BCAS3: variants seen among roughly 807,000 people sequenced by gnomAD.
BCAS3 encodes the protein BCAS4/BCAS3 fusion.
In BCAS3, 53 loss-of-function variants were observed where a neutral mutation model predicts 116.1. That is an observed-to-expected ratio of 0.46 (90% CI 0.37 to 0.57). The LOEUF is 0.57. BCAS3 is among the 20% of genes least tolerant of loss of function. The probability of loss-of-function intolerance (pLI) is 0.00; values close to 1 mark genes in which losing one functional copy is unlikely to be tolerated. For synonymous variants in BCAS3, 391 were observed against 408.2 expected (o/e 0.96, Z 0.51); for missense variants, 917 against 1,165.4 (o/e 0.79, Z 3.10).
At chr17:60,800,363 T>C (rs560105686) in intron 6 of BCAS3, among the ~76,000 whole-genome samples, 1 of 152,328 alleles carries the variant, frequency 6.6e-6, no homozygotes, top group African/African-American at 2.4e-5. Flanking sequence ...CCTAATGACT[T>C]TTCCTGTGCT....
chr17:61,126,636 T>A lies in BCAS3; in HGVS notation c.2425+42072T>A, dbSNP rs1041374594. Among the ~76,000 whole-genome samples the A allele has an allele frequency of 1.3e-5, 2 of 152,222 alleles. No individual in the cohort carries two copies. The highest frequency in any genetic ancestry group is 2.9e-5 in the Non-Finnish European group (2 of 68,034). On this transcript the variant is annotated intron_variant, in intron 22 of 23. Transcript: ENST00000407086. This position sits in a 1 kb window ranked among gnomAD's most constrained non-coding sequence, Gnocchi z 4.6. ...GACCAGGAAAAATCAGGATACAATT[T>A]GGCACTTATGGAGACGAAATGATTT...
chr17:60,739,399 C>T (rs1277783513), intron 5 of BCAS3, among the ~76,000 whole-genome samples: 3 of 152,106 alleles, frequency 2.0e-5, no homozygotes, highest in Admixed American at 2.0e-4. Flanking sequence ...GCAGGTGGAT[C>T]ACCTGAGGTC....
chr17:60,926,795 A>G (rs892394591), intron 13 of BCAS3, among the ~76,000 whole-genome samples: 1 of 152,188 alleles, frequency 6.6e-6, no homozygotes, highest in African/African-American at 2.4e-5. Context: ...AGAACATATT[A>G]TATAATATAA....
rs1177146116 is a variant in BCAS3 at position 61,063,950 on chromosome 17, A to G, written c.2030-10970A>G. On this transcript the variant is annotated intron_variant, in intron 19 of 23. Transcript: ENST00000407086. The surrounding 1 kb of genome is among the most constrained non-coding windows in gnomAD (Gnocchi z 5.3). ...ATTTCTCTGGGGCATTGTCTCCATA[A>G]ACTTTTGGTAAAGCATCAATAATTT... 6.6e-6 allele frequency among the ~76,000 whole-genome samples: 1 copy of G among 152,188 alleles called. No individual in the cohort carries two copies.
At chr17:60,857,714 G>A (rs1043788513) in intron 7 of BCAS3, among the ~76,000 whole-genome samples, 5 of 152,130 alleles carry the variant, frequency 3.3e-5, no homozygotes, top group African/African-American at 1.2e-4. Flanking sequence ...AGAATATGTC[G>A]GGCGTGCACC....
At chr17:60,932,340 A>G (rs1368445088) in intron 13 of BCAS3, among the ~76,000 whole-genome samples, 1 of 152,218 alleles carries the variant, frequency 6.6e-6, no homozygotes, top group Non-Finnish European at 1.5e-5. Context: ...GGATTGCTTC[A>G]TAATTGTAAT....
At chr17:60,888,540 A>G (rs1287098516) in intron 9 of BCAS3, among the ~76,000 whole-genome samples, 2 of 152,212 alleles carry the variant, frequency 1.3e-5, no homozygotes, top group African/African-American at 4.8e-5. Context: ...AATCTATTCA[A>G]TGGTCTAATC....
chr17:61,333,773 A>G lies in BCAS3; in HGVS notation c.2426-34554A>G, dbSNP rs2056487715. ...GTAGCTGGGATTACAGGGGCACACT[A>G]CCACACCCAGCTCATTTTTATATTT... On this transcript the variant is annotated intron_variant, in intron 22 of 23. Transcript: ENST00000407086. The surrounding 1 kb of genome is among the most constrained non-coding windows in gnomAD (Gnocchi z 4.8). Among the ~76,000 whole-genome samples the G allele has an allele frequency of 6.6e-6, 1 of 151,630 alleles. No homozygotes were observed. The highest frequency in any genetic ancestry group is 1.5e-5 in the Non-Finnish European group (1 of 67,912).
intron 22 of BCAS3, among the ~76,000 whole-genome samples, chr17:61,207,499 C>T (rs887136521): frequency 6.6e-6 from 1 of 151,924 alleles, no homozygotes; most frequent in African/African-American, 2.4e-5. Context: ...GATGCCCTGG[C>T]TCCTGAAGCT....
chr17:61,368,126 G>A lies in BCAS3; in HGVS notation c.2426-201G>A, dbSNP rs141365848. On this transcript the variant is annotated intron_variant, in intron 22 of 23. Transcript: ENST00000407086. The surrounding 1 kb of genome is among the most constrained non-coding windows in gnomAD (Gnocchi z 6.0). ...TAAAACCACCAGCCTCAGTGTCACGGAAGTCACTCCAGAGGTCTGCACTCT... is the reference window on the plus strand; with the variant it reads ...TAAAACCACCAGCCTCAGTGTCACGAAAGTCACTCCAGAGGTCTGCACTCT... 9.5e-5 allele frequency: 42 copies of A among 442,996 alleles called. No homozygotes were observed. The highest frequency in any genetic ancestry group is 7.4e-4 in the African/African-American group (38 of 51,172). 27.4% of individuals were successfully genotyped at this position (442,996 alleles called of 1,614,324 possible).
chr17:60,947,646 CA>C (rs2060584412), intron 14 of BCAS3, among the ~76,000 whole-genome samples: 1 of 152,168 alleles, frequency 6.6e-6, no homozygotes, highest in African/African-American at 2.4e-5. Context: ...AAACTCCTGT[CA>C]TTCATTTGCT....
chr17:61,221,025 G>A (rs1460453541), intron 22 of BCAS3, among the ~76,000 whole-genome samples: 3 of 152,246 alleles, frequency 2.0e-5, no homozygotes, highest in Middle Eastern at 3.4e-3. Flanking sequence ...GCATGAACCC[G>A]GGAGGCAGAG....
intron 11 of BCAS3, among the ~76,000 whole-genome samples, chr17:60,908,155 G>GT (rs370349223): frequency 8.5e-4 from 126 of 147,950 alleles, no homozygotes; most frequent in East Asian, 6.1e-3. Context: ...CAATAGTCAT[G>GT]TTTTTTTTTT....
intron 4 of BCAS3, among the ~76,000 whole-genome samples, chr17:60,701,286 A>C (rs2036350694): frequency 6.6e-6 from 1 of 152,148 alleles, no homozygotes; most frequent in Non-Finnish European, 1.5e-5. Context: ...AGAGCGATGA[A>C]ATCAAGTCGA....
chr17:61,312,994 C>A (rs1032834397), intron 22 of BCAS3, among the ~76,000 whole-genome samples: 3 of 152,210 alleles, frequency 2.0e-5, no homozygotes, highest in Non-Finnish European at 4.4e-5. Context: ...TGTGAATAAG[C>A]ACTTCCCAAG....
intron 4 of BCAS3, among the ~76,000 whole-genome samples, chr17:60,700,438 T>C (rs2036242434): frequency 6.6e-6 from 1 of 152,146 alleles, no homozygotes; most frequent in East Asian, 1.9e-4. Flanking sequence ...AAAATCAGGC[T>C]TGGTGAGGAA....
chr17:61,090,821 C>T (rs2073494862), intron 22 of BCAS3, among the ~76,000 whole-genome samples: 1 of 152,116 alleles, frequency 6.6e-6, no homozygotes. Flanking sequence ...CCATGCCCAG[C>T]TAACTTTTGT....
chr17:60,986,312 A>G (rs1407804706), intron 14 of BCAS3, among the ~76,000 whole-genome samples: 3 of 152,166 alleles, frequency 2.0e-5, no homozygotes, highest in Admixed American at 6.5e-5. Context: ...GGGAGTGCAG[A>G]TATCTCTTTG....
rs2049007948 is a variant in BCAS3 at position 61,259,160 on chromosome 17, T to A, written c.2426-109167T>A. Among the ~76,000 whole-genome samples, 1 of 152,256 alleles carries A rather than the reference T, an allele frequency of 6.6e-6. No individual in the cohort carries two copies. Among genetic ancestry groups the A allele is most frequent in the Non-Finnish European group, 1.5e-5 (1 of 68,050 alleles). ...GAAGAGTGGGAATTGTTTAGCATAG[T>A]ACCTGGTACTTGGTAGCTGCTTAGT... On this transcript the variant is annotated intron_variant, in intron 22 of 23. Coordinates refer to ENST00000407086, the MANE Select transcript of BCAS3 (RefSeq NM_017679.5). The surrounding 1 kb of genome is among the most constrained non-coding windows in gnomAD (Gnocchi z 4.7).
Sources: allele counts gnomAD v4.1 joint callset (sites outside exome capture counted in the v4.1 genomes callset), GRCh38; gene constraint gnomAD v4.1.1; non-coding constraint Gnocchi (gnomAD v3.1); transcripts MANE v1.5; gene names NCBI Gene and HGNC (gene_info 2026-07-23, HGNC 2026-07-21).